The following SAMD3 variants were observed in gnomAD, a reference collection of about 807,000 sequenced individuals.
SAMD3 encodes sterile alpha motif domain-containing protein 3.
SAMD3 carries 63 observed loss-of-function variants against 58.5 expected under a neutral mutation model. The ratio of observed to expected loss-of-function variants is 1.08; its 90% confidence interval spans 0.88 to 1.33. The LOEUF is 1.33. Among genes scored for constraint, SAMD3 ranks in the 40% most tolerant of loss-of-function variants. The pLI is 0.00. For synonymous variants in SAMD3, 220 were observed against 210.3 expected (o/e 1.05, Z -0.40); for missense variants, 604 against 608.4 (o/e 0.99, Z 0.08).
intron 1 of SAMD3, among the ~76,000 whole-genome samples, chr6:130,346,029 A>G (rs1489086429): frequency 6.6e-6 from 1 of 152,250 alleles, no homozygotes; most frequent in Non-Finnish European, 1.5e-5. Context: ...TCTTTTTGCA[A>G]TATGCAGCCA....
At chr6:130,168,711 TA>T (rs1427570588) in intron 8 of SAMD3, among the ~76,000 whole-genome samples, 1 of 152,210 alleles carries the variant, frequency 6.6e-6, no homozygotes, top group African/African-American at 2.4e-5. Flanking sequence ...TTTTTTTCTG[TA>T]TTATAAAAAT....
intron 2 of SAMD3, among the ~76,000 whole-genome samples, chr6:130,272,756 C>T (rs559871337): frequency 6.6e-6 from 1 of 152,210 alleles, no homozygotes; most frequent in African/African-American, 2.4e-5. Flanking sequence ...GTTGCCCAGG[C>T]TGGTCTCAAG....
intron 1 of SAMD3, among the ~76,000 whole-genome samples, chr6:130,348,776 G>A (rs1166731817): frequency 6.6e-6 from 1 of 151,954 alleles, no homozygotes; most frequent in Non-Finnish European, 1.5e-5. Flanking sequence ...AGAATATACA[G>A]TCTTTTCAGC....
At chr6:130,266,912 T>C (rs968148745) in intron 2 of SAMD3, among the ~76,000 whole-genome samples, 9 of 152,338 alleles carry the variant, frequency 5.9e-5, no homozygotes, top group African/African-American at 2.2e-4. Flanking sequence ...AGATGGCTCA[T>C]GAGGATACCG....
intron 2 of SAMD3, among the ~76,000 whole-genome samples, chr6:130,295,866 A>G (rs1357330762): frequency 6.6e-6 from 1 of 152,198 alleles, no homozygotes; most frequent in Non-Finnish European, 1.5e-5. Context: ...AGGCATAGAC[A>G]TAATAGTAAA....
chr6:130,307,443 T>G (rs913265099), intron 2 of SAMD3, among the ~76,000 whole-genome samples: 3 of 152,234 alleles, frequency 2.0e-5, no homozygotes, highest in African/African-American at 7.2e-5. Context: ...TCTTTGTAAT[T>G]AACTGTGAAA....
Position 130,204,025 on chromosome 6 carries a change from T to C in SAMD3, c.383+5470A>G, listed in dbSNP as rs1415314195. Among the ~76,000 whole-genome samples, 4 of 152,078 alleles carry C rather than the reference T, an allele frequency of 2.6e-5. No homozygotes were observed. In the East Asian group the frequency reaches 7.7e-4, roughly 29 times the overall value. ...TAGGCAGAAGGATTAGCTTATTCTA[T>C]ACCATTTCATTGCAGTGGCCAGACC... On this transcript the variant is annotated intron_variant, in intron 5 of 11. Transcript: ENST00000439090.
chr6:130,295,073 AC>A (rs1775522009), intron 2 of SAMD3, among the ~76,000 whole-genome samples: 1 of 151,756 alleles, frequency 6.6e-6, no homozygotes, highest in Non-Finnish European at 1.5e-5. Flanking sequence ...ACAGGCATGC[AC>A]CACCACATCC....
chr6:130,308,438 C>CTATTA (rs1562513318), intron 2 of SAMD3, among the ~76,000 whole-genome samples: 9 of 138,136 alleles, frequency 6.5e-5, no homozygotes, highest in Non-Finnish European at 1.3e-4. Flanking sequence ...CTATTCTATT[C>CTATTA]TTTTGTGTGT....
rs1795356185 is a variant in SAMD3 at position 130,209,536 on chromosome 6, GT to G, written c.341del (p.Asn114ThrfsTer6). 6.2e-7 allele frequency: 1 copy of G among 1,613,592 alleles called. No homozygotes were observed. The highest frequency in any genetic ancestry group is 1.3e-5 in the African/African-American group (1 of 74,912). ...EQMPSFYPAE[N>X]LDNGLIDQRV... ...TTTGGTCAATTAGTCCATTATCAAG[GT>G]TTTCAGCTGGATAGAAAGATGGCAT... On this transcript the variant is annotated frameshift_variant, in exon 5 of 12. Transcript: ENST00000439090. LOFTEE classifies it high-confidence loss of function.
At chr6:130,184,644 A>G in intron 5 of SAMD3, 21 bp from the exon 6 acceptor site, 7 of 1,584,666 alleles carry the variant, frequency 4.4e-6, no homozygotes, top group African/African-American at 2.7e-5. Context: ...AAAACACACA[A>G]AGAATGAAAT....
upstream of SAMD3, among the ~76,000 whole-genome samples, chr6:130,224,185 A>C (rs555810266): frequency 1.4e-3 from 209 of 152,122 alleles, no homozygotes; most frequent in African/African-American, 4.7e-3. Context: ...CCAGTCTGTC[A>C]GTGTATTCTG....
chr6:130,251,537 G>T (rs77218038), intron 2 of SAMD3, among the ~76,000 whole-genome samples: 6,143 of 152,024 alleles, frequency 0.04, 140 homozygotes, highest in African/African-American at 0.06. Context: ...TTTTATCTAT[G>T]TCAGATAATT....
In SAMD3 at chr6:130,175,855, G is replaced by C; in HGVS notation, c.808C>G (p.Leu270Val). The change falls in exon 8 of 12, where the codon CTT becomes GTT. Residue 270 changes from leucine to valine, a missense_variant. Coordinates refer to ENST00000439090, the MANE Select transcript of SAMD3 (RefSeq NM_001017373.4). Reference protein sequence around the residue: ...LADIRFDEIKLVQIKEEAVCF... With the variant: ...LADIRFDEIKVVQIKEEAVCF... Reference sequence around the variant, plus strand: ...TTCAATCTTACTTTTATCTGGACAAGTTTAATTTCATCAAATCTTATATCA... The same window carrying C: ...TTCAATCTTACTTTTATCTGGACAACTTTAATTTCATCAAATCTTATATCA... 6.2e-7 allele frequency: 1 copy of C among 1,611,028 alleles called. No individual in the cohort carries two copies. The highest frequency in any genetic ancestry group is 1.7e-4 in the Middle Eastern group (1 of 6,046).
intron 8 of SAMD3, among the ~76,000 whole-genome samples, chr6:130,158,188 A>T (rs537032333): frequency 6.6e-6 from 1 of 151,572 alleles, no homozygotes; most frequent in East Asian, 1.9e-4. Context: ...AAAAACCACA[A>T]TTTTTTTTAT....
At chr6:130,207,384 AAC>A (rs1020693744) in intron 5 of SAMD3, among the ~76,000 whole-genome samples, 13 of 152,090 alleles carry the variant, frequency 8.5e-5, no homozygotes, top group African/African-American at 3.1e-4. Context: ...TGCTCAAAAC[AAC>A]ACCATGAGAA....
intron 5 of SAMD3, among the ~76,000 whole-genome samples, chr6:130,202,654 G>T: frequency 6.6e-6 from 1 of 152,094 alleles, no homozygotes; most frequent in East Asian, 1.9e-4. Context: ...AGTTAAGTGG[G>T]ATTTTTTGTT....
At chr6:130,270,694 A>G (rs6918577) in intron 2 of SAMD3, among the ~76,000 whole-genome samples, 47,267 of 152,134 alleles carry the variant, frequency 0.31, 7,723 homozygotes, top group East Asian at 0.47. Context: ...TTACAGATAC[A>G]TGAACACATA....
chr6:130,347,018 T>A (rs1583138204), intron 1 of SAMD3, among the ~76,000 whole-genome samples: 1 of 151,872 alleles, frequency 6.6e-6, no homozygotes, highest in East Asian at 1.9e-4. Flanking sequence ...CAGCTGAGGG[T>A]CCTGACTGTT....
Sources: gnomAD v4.1 joint callset for allele counts (sites outside exome capture counted in the v4.1 genomes callset) on GRCh38, gnomAD v4.1.1 for gene constraint, MANE v1.5 for transcripts, NCBI Gene and HGNC (gene_info 2026-07-23, HGNC 2026-07-21) for gene names.